Variants in SGIP1 observed in about 807,000 individuals in gnomAD.
SGIP1 encodes the protein SH3-containing GRB2-like protein 3-interacting protein 1.
SGIP1 carries 38 observed loss-of-function variants against 107.5 expected under a neutral mutation model. The observed-to-expected ratio is 0.35, with a 90% CI of 0.27 to 0.46. The LOEUF (loss-of-function observed/expected upper bound fraction) is 0.46, where lower values mean the gene tolerates loss of function less well. Among genes scored for constraint, SGIP1 ranks in the 20% least tolerant of loss-of-function variants. The pLI is 1.00. For missense variants in SGIP1, 929 were observed against 1,019.5 expected (o/e 0.91, Z 1.21); for synonymous variants, 365 against 366.1 (o/e 1.00, Z 0.03).
At chr1:66,670,557 G>A (rs1320618678) in intron 9 of SGIP1, among the ~76,000 whole-genome samples, 1 of 152,178 alleles carries the variant, frequency 6.6e-6, no homozygotes, top group Non-Finnish European at 1.5e-5. Context: ...GTAAACTGAT[G>A]ACTGTTTCCA....
chr1:66,653,481 C>T (rs941217044), intron 7 of SGIP1, among the ~76,000 whole-genome samples: 2 of 152,120 alleles, frequency 1.3e-5, no homozygotes, highest in East Asian at 1.9e-4. Context: ...TGTACCTTCT[C>T]AGTAGATGGT....
Position 66,689,234 on chromosome 1 carries a change from C to T in SGIP1, c.1402C>T (p.Arg468Trp), listed in dbSNP as rs376861429. 18 of 1,613,668 alleles carry T rather than the reference C, an allele frequency of 1.1e-5. No homozygotes were observed. The highest frequency in any genetic ancestry group is 2.2e-5 in the East Asian group (1 of 44,866). ...PPPPPPRPPS[R>W]PKLPPGKPGV... ...TCCACCTCCTCCCCGGCCTCCATCC[C>T]GGCCAAAGCTACCTCCAGGAAAACC... The change falls in exon 16 of 25, where the codon CGG becomes TGG. Residue 468 changes from arginine to tryptophan, a missense_variant. Physicochemically the swap from Arg to Trp is moderately radical, Grantham distance 101. Transcript: ENST00000371037.
At chr1:66,603,266 G>A (rs2066212621) in intron 1 of SGIP1, among the ~76,000 whole-genome samples, 1 of 152,094 alleles carries the variant, frequency 6.6e-6, no homozygotes, top group South Asian at 2.1e-4. Flanking sequence ...TTATCAAGTA[G>A]AGATTTTTAT....
intron 5 of SGIP1, among the ~76,000 whole-genome samples, chr1:66,641,987 C>G (rs886420452): frequency 3.3e-5 from 5 of 152,196 alleles, no homozygotes; most frequent in East Asian, 1.9e-4. Context: ...CTTAGCACAT[C>G]TTGCCTGAAT....
intron 9 of SGIP1, among the ~76,000 whole-genome samples, chr1:66,670,731 C>A (rs905883908): frequency 1.3e-5 from 2 of 152,058 alleles, no homozygotes; most frequent in African/African-American, 4.8e-5. Flanking sequence ...ATTTAATTTA[C>A]CAAATCTACC....
intron 7 of SGIP1, 113 bp downstream of exon 7, chr1:66,643,832 A>G: frequency 1.1e-6 from 1 of 906,286 alleles, no homozygotes; most frequent in Non-Finnish European, 1.6e-6. Flanking sequence ...GCATATGGTC[A>G]CCATATCATG....
intron 1 of SGIP1, among the ~76,000 whole-genome samples, chr1:66,592,254 C>G (rs967349430): frequency 3.3e-5 from 5 of 152,152 alleles, no homozygotes; most frequent in African/African-American, 7.2e-5. Flanking sequence ...GTCTTTGTGG[C>G]CTTCCGCAGT....
At chr1:66,588,757 C>G (rs1368505685) in intron 1 of SGIP1, among the ~76,000 whole-genome samples, 1 of 150,956 alleles carries the variant, frequency 6.6e-6, no homozygotes, top group African/African-American at 2.4e-5. Context: ...TCTTACTACC[C>G]TTTTGGTTTC....
chr1:66,652,630 C>A (rs994205138), intron 7 of SGIP1, among the ~76,000 whole-genome samples: 2 of 151,978 alleles, frequency 1.3e-5, no homozygotes, highest in African/African-American at 2.4e-5. Flanking sequence ...GCCCACCCAC[C>A]CTTCCACCCC....
At chr1:66,739,119 T>C (rs1376997186) in intron 21 of SGIP1, among the ~76,000 whole-genome samples, 1 of 152,028 alleles carries the variant, frequency 6.6e-6, no homozygotes, top group Non-Finnish European at 1.5e-5. Context: ...CGAAGTGTAC[T>C]GAAAACTCCA....
intron 3 of SGIP1, among the ~76,000 whole-genome samples, chr1:66,634,786 G>A: frequency 6.6e-6 from 1 of 152,186 alleles, no homozygotes; most frequent in East Asian, 1.9e-4. Flanking sequence ...TAGGTAATTG[G>A]ACATTATTAG....
intron 7 of SGIP1, among the ~76,000 whole-genome samples, chr1:66,656,701 T>A (rs1173608719): frequency 6.6e-6 from 1 of 152,216 alleles, no homozygotes; most frequent in Non-Finnish European, 1.5e-5. Context: ...TTATGGCCTT[T>A]TCTGTTGTTC....
In SGIP1 at chr1:66,729,324, C is replaced by T; in HGVS notation, c.1803C>T (p.His601=). ...VLSFPAGITR[H]FANNPSPAAL... ...CATTTCCTGCTGGCATCACCAGACA[C>T]TTTGCCAACAACCCGTCCCCAGCTG... Residue 601 remains histidine (H), a synonymous_variant, in exon 20 of 25, where the codon CAC becomes CAT. Transcript: ENST00000371037. The T allele has an allele frequency of 1.2e-6, 2 of 1,614,126 alleles. No individual in the cohort carries two copies. Among genetic ancestry groups the T allele is most frequent in the Non-Finnish European group, 1.7e-6 (2 of 1,180,002 alleles).
At chr1:66,678,574 T>C (rs1211244387) in intron 13 of SGIP1, among the ~76,000 whole-genome samples, 1 of 152,072 alleles carries the variant, frequency 6.6e-6, no homozygotes, top group Non-Finnish European at 1.5e-5. Context: ...TGTGGGAAAA[T>C]ATGGTCCACT....
At chr1:66,680,044 A>T (rs2086328466) in intron 14 of SGIP1, among the ~76,000 whole-genome samples, 1 of 152,262 alleles carries the variant, frequency 6.6e-6, no homozygotes, top group East Asian at 1.9e-4. Flanking sequence ...ATGAAAATTC[A>T]TTGTTTAATT....
intron 7 of SGIP1, among the ~76,000 whole-genome samples, chr1:66,650,207 A>G (rs1353336392): frequency 6.6e-6 from 1 of 152,184 alleles, no homozygotes; most frequent in Non-Finnish European, 1.5e-5. Context: ...ATGCCTTTTG[A>G]AGACAATTCC....
rs2086766573 is a variant in SGIP1, at chr1:66,681,785, A to G, written c.815-84A>G. 4.2e-6 allele frequency: 6 copies of G among 1,426,720 alleles called. No homozygotes were observed. The East Asian group carries it at 9.2e-5, about 22-fold the overall frequency. 88.4% of individuals were successfully genotyped at this position (1,426,720 alleles called of 1,614,324 possible). On this transcript the variant is annotated intron_variant, in intron 14 of 24. Transcript: ENST00000371037. ...ACTGAGGCACCTCAGACACCAATGTATTTTCCAGTCTTTGCCTCCCTCCCT... is the reference window on the plus strand; with the variant it reads ...ACTGAGGCACCTCAGACACCAATGTGTTTTCCAGTCTTTGCCTCCCTCCCT...
intron 8 of SGIP1, 85 bp from the exon 9 acceptor site, chr1:66,667,445 A>T: frequency 7.8e-7 from 1 of 1,279,808 alleles, no homozygotes; most frequent in Non-Finnish European, 1.1e-6. Context: ...AGCTGCTTAT[A>T]AAGTCTTCTG....
chr1:66,580,534 T>C (rs1477123879), intron 1 of SGIP1, among the ~76,000 whole-genome samples: 1 of 152,188 alleles, frequency 6.6e-6, no homozygotes, highest in Non-Finnish European at 1.5e-5. Context: ...TGACACAAGA[T>C]GTTTATTTGT....
Sources: gnomAD v4.1 joint callset for allele counts (sites outside exome capture counted in the v4.1 genomes callset) on GRCh38, gnomAD v4.1.1 for gene constraint, MANE v1.5 for transcripts, NCBI Gene and HGNC (gene_info 2026-07-23, HGNC 2026-07-21) for gene names.